CCBE1: variants seen among roughly 807,000 people sequenced by gnomAD.
CCBE1 encodes collagen and calcium binding EGF domains 1, also known as collagen and calcium-binding EGF domain-containing protein 1.
In CCBE1, 37 loss-of-function variants were observed where a neutral mutation model predicts 50.0. The observed-to-expected ratio is 0.74, with a 90% CI of 0.57 to 0.97. The LOEUF (loss-of-function observed/expected upper bound fraction) is 0.97, where lower values mean the gene tolerates loss of function less well. Among genes scored for constraint, CCBE1 ranks in the 50% least tolerant of loss-of-function variants. The pLI is 0.00. For missense variants in CCBE1, 538 were observed against 523.8 expected, an observed-to-expected ratio of 1.03 and a Z score of -0.26; for synonymous variants, 234 against 203.7, an observed-to-expected ratio of 1.15 and a Z score of -1.27.
intron 5 of CCBE1, among the ~76,000 whole-genome samples, chr18:59,455,743 GCA>G (rs1265046150): frequency 6.6e-6 from 1 of 152,224 alleles, no homozygotes; most frequent in Non-Finnish European, 1.5e-5. Context: ...TGAGGACCTT[GCA>G]CAGACTGCCA....
intron 2 of CCBE1, among the ~76,000 whole-genome samples, chr18:59,548,178 C>T (rs780390970): frequency 1.7e-4 from 26 of 152,208 alleles, no homozygotes; most frequent in Admixed American, 7.2e-4. Context: ...GATCATATCA[C>T]TGGCCAGTGG....
At chr18:59,441,264 C>T (rs886289145) in intron 7 of CCBE1, among the ~76,000 whole-genome samples, 1 of 152,152 alleles carries the variant, frequency 6.6e-6, no homozygotes, top group African/African-American at 2.4e-5. Context: ...AATCCCAGCA[C>T]TTTGGGAGGT....
At chr18:59,693,129 C>T (rs2054758408) in intron 2 of CCBE1, among the ~76,000 whole-genome samples, 1 of 151,956 alleles carries the variant, frequency 6.6e-6, no homozygotes, top group Non-Finnish European at 1.5e-5. Flanking sequence ...GTACATTGTT[C>T]TTTTTTTTAA....
intron 2 of CCBE1, among the ~76,000 whole-genome samples, chr18:59,627,532 C>T (rs918600788): frequency 3.3e-5 from 5 of 152,094 alleles, no homozygotes; most frequent in African/African-American, 9.7e-5. Flanking sequence ...TCTGCAGATG[C>T]CGTCAAGTTA....
chr18:59,539,584 G>A (rs1915390234), intron 2 of CCBE1, among the ~76,000 whole-genome samples: 1 of 152,160 alleles, frequency 6.6e-6, no homozygotes, highest in African/African-American at 2.4e-5. Context: ...CTAAGTTTTG[G>A]AGCATTTTGT....
intron 2 of CCBE1, among the ~76,000 whole-genome samples, chr18:59,647,961 T>C (rs2054077241): frequency 1.3e-5 from 2 of 152,220 alleles, no homozygotes; most frequent in African/African-American, 2.4e-5. Flanking sequence ...GTTTTGCATA[T>C]ACTGTCTTCT....
chr18:59,543,846 A>AG (rs1555690341), intron 2 of CCBE1, among the ~76,000 whole-genome samples: 1 of 140,586 alleles, frequency 7.1e-6, no homozygotes, highest in Admixed American at 7.3e-5. Flanking sequence ...AAAAAAAAAA[A>AG]AAAAAAAAAA....
chr18:59,647,042 G>C (rs894716033), intron 2 of CCBE1, among the ~76,000 whole-genome samples: 1 of 152,224 alleles, frequency 6.6e-6, no homozygotes. Flanking sequence ...AATCTGCTGA[G>C]TTGATGTTAT....
intron 2 of CCBE1, among the ~76,000 whole-genome samples, chr18:59,693,999 G>A (rs570324902): frequency 2.1e-4 from 31 of 144,980 alleles, no homozygotes; most frequent in Non-Finnish European, 3.9e-4. Flanking sequence ...AGCCTCCCAA[G>A]TAGATGGTAC....
intron 2 of CCBE1, among the ~76,000 whole-genome samples, chr18:59,680,140 G>A (rs1403128002): frequency 6.6e-6 from 1 of 151,922 alleles, no homozygotes; most frequent in Non-Finnish European, 1.5e-5. Context: ...AGAGTCACTT[G>A]AGCTCAGGAG....
At chr18:59,615,703 A>T (rs2053627549) in intron 2 of CCBE1, among the ~76,000 whole-genome samples, 1 of 152,140 alleles carries the variant, frequency 6.6e-6, no homozygotes, top group Non-Finnish European at 1.5e-5. Context: ...ATAAGGTATG[A>T]GGTTATTTCT....
intron 2 of CCBE1, among the ~76,000 whole-genome samples, chr18:59,556,777 A>G (rs1183482165): frequency 1.3e-5 from 2 of 152,338 alleles, no homozygotes; most frequent in East Asian, 3.9e-4. Flanking sequence ...ATGTCCAAGG[A>G]AAGAGGTATT....
intron 2 of CCBE1, among the ~76,000 whole-genome samples, chr18:59,550,173 A>G (rs1944985): frequency 0.66 from 100,101 of 151,756 alleles, 33,183 homozygotes; most frequent in East Asian, 0.79. Flanking sequence ...AACCACCACA[A>G]GCTCTGGAGC....
intron 2 of CCBE1, among the ~76,000 whole-genome samples, chr18:59,573,021 C>T (rs1568213184): frequency 1.3e-5 from 2 of 151,920 alleles, no homozygotes; most frequent in Non-Finnish European, 2.9e-5. Context: ...CAGTGGCTCA[C>T]ACCTGTAATC....
chr18:59,588,923 T>C (rs1173778056), intron 2 of CCBE1, among the ~76,000 whole-genome samples: 2 of 152,206 alleles, frequency 1.3e-5, no homozygotes, highest in East Asian at 1.9e-4. Flanking sequence ...AACCATCCCA[T>C]GCACAACTTC....
At chr18:59,675,825 G>A (rs1652064) in intron 2 of CCBE1, among the ~76,000 whole-genome samples, 150,951 of 152,346 alleles carry the variant, frequency 0.99, 74,796 homozygotes, top group East Asian at 1. Flanking sequence ...GTGATGGGAT[G>A]GAAGGAATCT....
intron 2 of CCBE1, among the ~76,000 whole-genome samples, chr18:59,679,869 C>T (rs2144727203): frequency 6.6e-6 from 1 of 152,238 alleles, no homozygotes; most frequent in South Asian, 2.1e-4. Flanking sequence ...GGCGGGACAA[C>T]TTGAGGCGGG....
Position 59,439,810 on chromosome 18 carries a change from G to A in CCBE1, c.782C>T (p.Pro261Leu). The A allele has an allele frequency of 1.2e-6, 2 of 1,613,738 alleles. No individual in the cohort carries two copies. Among genetic ancestry groups the A allele is most frequent in the African/African-American group, 1.3e-5 (1 of 75,012 alleles). Reference sequence around the variant, plus strand: ...GAAGCCTGGGCTTCCCTTTGGTCCTGGTGAGCCTGTAATCAAAGAACACCT... The same window carrying A: ...GAAGCCTGGGCTTCCCTTTGGTCCTAGTGAGCCTGTAATCAAAGAACACCT... Reference protein sequence around the residue: ...LPGGQGPPGSPGPKGSPGFPG... With the variant: ...LPGGQGPPGSLGPKGSPGFPG... The change falls in exon 8 of 11, where the codon CCA becomes CTA. Residue 261 changes from proline to leucine, a missense_variant. Physicochemically the swap from Pro to Leu is moderately conservative, Grantham distance 98. Transcript: ENST00000439986.
intron 3 of CCBE1, among the ~76,000 whole-genome samples, chr18:59,479,802 C>T (rs1912480571): frequency 6.6e-6 from 1 of 152,118 alleles, no homozygotes; most frequent in Admixed American, 6.6e-5. Flanking sequence ...TGCTGATGGT[C>T]ATGTAAAGGG....
Sources: allele counts gnomAD v4.1 joint callset (sites outside exome capture counted in the v4.1 genomes callset), GRCh38; gene constraint gnomAD v4.1.1; transcripts MANE v1.5; gene names NCBI Gene and HGNC (gene_info 2026-07-23, HGNC 2026-07-21).